The following HELB variants were observed in gnomAD, a reference collection of about 807,000 sequenced individuals.
HELB encodes the protein DNA 5'-3' helicase B.
In HELB, 96 loss-of-function variants were observed where a neutral mutation model predicts 101.7. The ratio of observed to expected loss-of-function variants is 0.94; its 90% CI spans 0.80 to 1.12. The LOEUF is 1.12. Ranked by LOEUF, HELB falls within the 50% of genes most tolerant of loss-of-function variation. HELB has a pLI of 0.00. For missense variants in HELB, 1,210 were observed against 1,291.9 expected (o/e 0.94, Z 0.97); for synonymous variants, 437 against 459.7 (o/e 0.95, Z 0.63).
chr12:66,302,632 A>G lies in HELB; in HGVS notation c.29A>G (p.Gln10Arg), dbSNP rs2053417193. Residue 10 changes from glutamine to arginine, a missense_variant, in exon 1 of 13, where the codon CAA (glutamine) becomes CGA (arginine). Around this residue, in one of 2 missense-constraint regions of HELB, gnomAD observed 470 missense variants for 563.1 expected, o/e 0.83. Transcript: ENST00000247815. MARSSPYLR[Q>R]LQGPLLPPRD... ...GCCAGGTCGAGTCCGTACCTGCGCCAACTTCAGGGACCTCTGCTCCCACCC... is the reference window on the plus strand; with the variant it reads ...GCCAGGTCGAGTCCGTACCTGCGCCGACTTCAGGGACCTCTGCTCCCACCC... The G allele has an allele frequency of 2.5e-6, 4 of 1,613,880 alleles. No individual in the cohort carries two copies. Among genetic ancestry groups the G allele is most frequent in the Middle Eastern group, 1.6e-4 (1 of 6,082 alleles).
Position 66,310,410 on chromosome 12 carries a change from G to A in HELB, c.1482G>A (p.Gln494=). Residue 494 remains glutamine (Q), a synonymous_variant, in exon 4 of 13, where the codon CAG becomes CAA. Transcript: ENST00000247815. ...IVSRLFKHIE[Q]LEEREVKKAC... is the part of the protein sequence containing the mutation. ...GCCGTCTTTTTAAGCATATAGAGCA[G>A]TTGGAAGAAAGAGAAGTAAAAAAAG... 1 of 1,614,148 alleles carries A rather than the reference G, an allele frequency of 6.2e-7. No homozygotes were observed. The highest frequency in any genetic ancestry group is 8.5e-7 in the Non-Finnish European group (1 of 1,180,022).
chr12:66,322,607 T>G (rs2053683911), intron 8 of HELB, 117 bp from the exon 9 acceptor site: 1 of 565,124 alleles, frequency 1.8e-6, no homozygotes, highest in Admixed American at 3.0e-5. Context: ...AAATACTATT[T>G]CCTGGAGAAA....
At chr12:66,309,428 A>C (rs1271944907) in intron 3 of HELB, among the ~76,000 whole-genome samples, 5 of 152,202 alleles carry the variant, frequency 3.3e-5, no homozygotes, top group Non-Finnish European at 7.3e-5. Flanking sequence ...AGGCATGAGA[A>C]GGGATAAGGA....
In HELB at chr12:66,306,530, G is replaced by A; in HGVS notation, c.777+16G>A. ...ATTTAGTAAAGTAAGTAAAACATTT[G>A]CTCAGCATATAGTAATCTTGTGTAA... On this transcript the variant is annotated intron_variant, in intron 3 of 12. Coordinates refer to ENST00000247815, the MANE Select transcript of HELB (RefSeq NM_001370285.1). The A allele has an allele frequency of 6.4e-7, 1 of 1,553,818 alleles. No individual in the cohort carries two copies. Among genetic ancestry groups the A allele is most frequent in the South Asian group, 1.2e-5 (1 of 80,190 alleles).
Position 66,302,696 on chromosome 12 carries a change from C to T in HELB, c.93C>T (p.Asp31=). Residue 31 remains aspartate (D), a synonymous_variant, in exon 1 of 13, where the codon GAC becomes GAT. Coordinates refer to ENST00000247815, the MANE Select transcript of HELB (RefSeq NM_001370285.1). ...LVEEDDDYLN[D]DVEEDEESVF... ...AGGAGGACGACGACTACCTAAACGACGACGTGGAGGAGGATGAAGAGTCCG... is the reference window on the plus strand; with the variant it reads ...AGGAGGACGACGACTACCTAAACGATGACGTGGAGGAGGATGAAGAGTCCG... The T allele has an allele frequency of 6.2e-7, 1 of 1,614,074 alleles. No homozygotes were observed. The highest frequency in any genetic ancestry group is 8.5e-7 in the Non-Finnish European group (1 of 1,179,974).
rs138445701 is a variant in HELB, at chr12:66,331,426, G to T, written c.2943G>T (p.Pro981=). 2.5e-6 allele frequency: 4 copies of T among 1,614,172 alleles called. No individual in the cohort carries two copies. Among genetic ancestry groups the T allele is most frequent in the Admixed American group, 1.7e-5 (1 of 60,020 alleles). The change falls in exon 12 of 13, where the codon CCG becomes CCT. Residue 981 remains proline (P), a synonymous_variant. Transcript: ENST00000247815. ...SSGDSGGPST[P]SASPLPVVTD... is the part of the protein sequence containing the mutation. ...GAGACAGTGGAGGACCCAGCACACC[G>T]TCAGCATCTCCACTCCCTGTAGTCA...
At position 66,321,936 on chromosome 12, in the gene HELB, T is replaced by G. The variant is rs1419300508; in HGVS notation, c.2156-12T>G. 2.0e-6 allele frequency: 2 copies of G among 982,612 alleles called. No individual in the cohort carries two copies. Among genetic ancestry groups the G allele is most frequent in the Non-Finnish European group, 1.6e-6 (1 of 638,506 alleles). The allele number at this position is 982,612 out of a possible 1,614,324, so 60.9% of individuals were successfully genotyped here. A position where few individuals can be genotyped will look rare whatever the true frequency, so the allele number is the denominator to read the frequency against. On this transcript the variant is annotated splice_polypyrimidine_tract_variant and intron_variant, in intron 7 of 12. Coordinates refer to ENST00000247815, the MANE Select transcript of HELB (RefSeq NM_001370285.1). Reference sequence around the variant, plus strand: ...GATTTGCTGTGTTAACTTTTTTCTCTTGAATTATTAGGTTTATATTCTGCA... The same window carrying G: ...GATTTGCTGTGTTAACTTTTTTCTCGTGAATTATTAGGTTTATATTCTGCA...
At chr12:66,331,957 T>G (rs2053815098) in intron 12 of HELB, among the ~76,000 whole-genome samples, 1 of 152,134 alleles carries the variant, frequency 6.6e-6, no homozygotes. Context: ...TAACAAAGTT[T>G]TGACTATAGT....
At position 66,308,070 on chromosome 12, in the gene HELB, A is replaced by G. The variant is rs563739510; in HGVS notation, c.777+1556A>G. On this transcript the variant is annotated intron_variant, in intron 3 of 12. Coordinates refer to ENST00000247815, the MANE Select transcript of HELB (RefSeq NM_001370285.1). ...AAAAAAAAAAAAAAAAAAAAATTAA[A>G]GCATTACATATCAGCTACTGTATTT... Among the ~76,000 whole-genome samples the G allele has an allele frequency of 1.2e-3, 189 of 151,562 alleles. 2 individuals are homozygous for G. Among genetic ancestry groups the G allele is most frequent in the Admixed American group, 9.9e-3 (150 of 15,198 alleles).
At chr12:66,324,695 C>T (rs868183631) in intron 10 of HELB, among the ~76,000 whole-genome samples, 1 of 152,052 alleles carries the variant, frequency 6.6e-6, no homozygotes, top group Non-Finnish European at 1.5e-5. Flanking sequence ...GTAGTCAATA[C>T]AAGAAATGAA....
intron 10 of HELB, 137 bp downstream of exon 10, chr12:66,324,348 C>A: frequency 1.4e-6 from 1 of 706,842 alleles, no homozygotes; most frequent in African/African-American, 1.8e-5. Flanking sequence ...GGATTTTTGG[C>A]ATCCATGTTT....
chr12:66,332,433 T>C (rs917140732), intron 12 of HELB, among the ~76,000 whole-genome samples: 5 of 152,202 alleles, frequency 3.3e-5, no homozygotes, highest in African/African-American at 1.2e-4. Context: ...AATAAACAAT[T>C]CGTCAATTTT....
At chr12:66,305,273 T>C (rs968678778) in intron 2 of HELB, 123 bp downstream of exon 2, 127 of 673,188 alleles carry the variant, frequency 1.9e-4, no homozygotes, top group Non-Finnish European at 2.9e-4. Context: ...AATGTGTTTA[T>C]GTTGCTTTTG....
Position 66,315,326 on chromosome 12 carries a change from T to C in HELB, c.1943T>C (p.Ile648Thr), listed in dbSNP as rs771930143. The C allele has an allele frequency of 1.2e-6, 2 of 1,610,436 alleles. No individual in the cohort carries two copies. Among genetic ancestry groups the C allele is most frequent in the Non-Finnish European group, 1.7e-6 (2 of 1,178,146 alleles). ...FETLKSRNCAIELKTNHRAES... is the reference protein window; with the variant it reads ...FETLKSRNCATELKTNHRAES... ...ACTCTTAAGTCAAGAAATTGTGCTA[T>C]TGAGCTAAAGACAAACCATAGAGCA... The change falls in exon 6 of 13, where the codon ATT (isoleucine) becomes ACT (threonine). Residue 648 changes from isoleucine (I) to threonine (T), a missense_variant. By Grantham distance (89) the Ile-to-Thr change is moderately conservative. Around this residue, in one of 2 missense-constraint regions of HELB, gnomAD observed 740 missense variants for 728.8 expected, o/e 1.02. Transcript: ENST00000247815.
chr12:66,337,955 C>T, intron 12 of HELB, 46 bp from the exon 13 acceptor site: 1 of 1,138,668 alleles, frequency 8.8e-7, no homozygotes, highest in Non-Finnish European at 1.3e-6. Context: ...GGTAGACTAA[C>T]TACATTTTTA....
intron 1 of HELB, 89 bp from the exon 2 acceptor site, chr12:66,304,640 GAT>G: frequency 8.4e-7 from 1 of 1,184,530 alleles, no homozygotes; most frequent in Non-Finnish European, 1.2e-6. Flanking sequence ...GGAGATTAAA[GAT>G]AGTGGTAAGT....
chr12:66,318,696 A>C lies in HELB; in HGVS notation c.2059A>C (p.Thr687Pro). The C allele has an allele frequency of 6.2e-7, 1 of 1,608,960 alleles. No homozygotes were observed. Among genetic ancestry groups the C allele is most frequent in the Non-Finnish European group, 8.5e-7 (1 of 1,178,636 alleles). The change falls in exon 7 of 13, where the codon ACA becomes CCA. Residue 687 changes from threonine to proline, a missense_variant. This residue lies in a region of HELB where 740 missense variants were observed against 728.8 expected (regional missense o/e 1.02). Coordinates refer to ENST00000247815, the MANE Select transcript of HELB (RefSeq NM_001370285.1). ...AGAACTAAATATCTCTGATAATCCA[A>C]CATTACCCATCTCAATTCAAGATAA... Reference protein sequence around the residue: ...DAELNISDNPTLPISIQDKTF... With the variant: ...DAELNISDNPPLPISIQDKTF...
At chr12:66,341,963 A>G (rs1010777458), downstream of HELB, 1 of 152,182 alleles carries the variant, frequency 6.6e-6, no homozygotes, top group African/African-American at 2.4e-5. Flanking sequence ...AGGTGTGAAA[A>G]TGGACTACTA....
chr12:66,336,500 G>A (rs932261086), intron 12 of HELB, among the ~76,000 whole-genome samples: 6 of 152,194 alleles, frequency 3.9e-5, no homozygotes, highest in African/African-American at 1.4e-4. Flanking sequence ...GAGTCTTTAA[G>A]CTTCCAAGGC....
Sources: allele counts gnomAD v4.1 joint callset (sites outside exome capture counted in the v4.1 genomes callset), GRCh38; gene constraint gnomAD v4.1.1; regional missense constraint gnomAD v4.1.1; transcripts MANE v1.5; gene names NCBI Gene and HGNC (gene_info 2026-07-23, HGNC 2026-07-21).